The following TMEM178B variants were observed in gnomAD, a reference collection of about 807,000 sequenced individuals.
TMEM178B encodes the protein transmembrane protein 178B.
In TMEM178B, 5 loss-of-function variants were observed where a neutral mutation model predicts 31.0. The ratio of observed to expected loss-of-function variants is 0.16; its 90% CI spans 0.08 to 0.34. The LOEUF (loss-of-function observed/expected upper bound fraction) is 0.34, where lower values mean the gene tolerates loss of function less well. Among genes scored for constraint, TMEM178B ranks in the 10% least tolerant of loss-of-function variants. The pLI is 1.00. For missense variants in TMEM178B, 275 were observed against 400.3 expected (o/e 0.69, Z 2.67); for synonymous variants, 164 against 164.0 (o/e 1.00, Z 0.00).
At chr7:141,243,161 G>C (rs978916724) in intron 2 of TMEM178B, among the ~76,000 whole-genome samples, 8 of 151,988 alleles carry the variant, frequency 5.3e-5, no homozygotes, top group African/African-American at 1.7e-4. Context: ...TGGCTTGATT[G>C]CCTTTTTTTC....
At chr7:141,129,154 G>A (rs1012667088) in intron 1 of TMEM178B, among the ~76,000 whole-genome samples, 1 of 152,276 alleles carries the variant, frequency 6.6e-6, no homozygotes. Flanking sequence ...GTGTTGTGAT[G>A]TTCATTCGTG....
intron 2 of TMEM178B, among the ~76,000 whole-genome samples, chr7:141,383,780 G>C (rs1346419048): frequency 2.6e-5 from 4 of 152,148 alleles, no homozygotes; most frequent in Non-Finnish European, 5.9e-5. Context: ...CTAGATCCTT[G>C]AGGAATCACC....
chr7:141,158,562 C>T (rs941458846), intron 1 of TMEM178B, among the ~76,000 whole-genome samples: 3 of 152,216 alleles, frequency 2.0e-5, no homozygotes, highest in Non-Finnish European at 2.9e-5. Flanking sequence ...CAAAGCCATC[C>T]TTTATCTATA....
At chr7:141,304,844 AT>A (rs1394750294) in intron 2 of TMEM178B, among the ~76,000 whole-genome samples, 36 of 152,130 alleles carry the variant, frequency 2.4e-4, no homozygotes, top group African/African-American at 8.7e-4. Context: ...AAGTCCTGTG[AT>A]TTCTGTGTTT....
At chr7:141,193,150 C>T (rs1796724656) in intron 1 of TMEM178B, among the ~76,000 whole-genome samples, 1 of 152,202 alleles carries the variant, frequency 6.6e-6, no homozygotes, top group African/African-American at 2.4e-5. Context: ...CCTCTGCCTC[C>T]AGCCCTTCTG....
chr7:141,246,153 C>T (rs1797726768), intron 2 of TMEM178B, among the ~76,000 whole-genome samples: 1 of 152,176 alleles, frequency 6.6e-6, no homozygotes, highest in Admixed American at 6.5e-5. Context: ...CAGGTTGCTT[C>T]CAGATCCCAG....
intron 2 of TMEM178B, among the ~76,000 whole-genome samples, chr7:141,406,768 G>A (rs1022050927): frequency 2.6e-5 from 4 of 152,168 alleles, no homozygotes; most frequent in Admixed American, 6.5e-5. Context: ...ACCTTCGAAC[G>A]TCATCTGTTA....
chr7:141,487,741 CAAAAAAAAA>C, the TMEM178B span, among the ~76,000 whole-genome samples: 14 of 30,266 alleles, frequency 4.6e-4, no homozygotes, highest in East Asian at 2.9e-3. Flanking sequence ...GACTCCGTCT[CAAAAAAAAA>C]AAAAAAAAAA....
the TMEM178B span, among the ~76,000 whole-genome samples, chr7:141,507,181 G>A: frequency 1.6e-3 from 243 of 152,284 alleles, 1 homozygote; most frequent in African/African-American, 5.6e-3. Flanking sequence ...GGGGTCTGGA[G>A]AACAGTGGCC....
intron 2 of TMEM178B, among the ~76,000 whole-genome samples, chr7:141,285,177 T>TC (rs1563141115): frequency 2.1e-5 from 3 of 140,166 alleles, no homozygotes; most frequent in Non-Finnish European, 4.6e-5. Flanking sequence ...TTTTTTTTTT[T>TC]TGAGACGTAG....
intron 2 of TMEM178B, among the ~76,000 whole-genome samples, chr7:141,409,930 G>T (rs1042727016): frequency 5.9e-5 from 9 of 152,092 alleles, no homozygotes; most frequent in African/African-American, 2.2e-4. Flanking sequence ...TTGAGTTGCA[G>T]CCTCTCTCCT....
chr7:141,130,269 A>T (rs1298181000), intron 1 of TMEM178B, among the ~76,000 whole-genome samples: 1 of 152,210 alleles, frequency 6.6e-6, no homozygotes, highest in Non-Finnish European at 1.5e-5. Flanking sequence ...ACATTATGCA[A>T]GTCAGATTGG....
At chr7:141,504,284 G>A in the TMEM178B span, among the ~76,000 whole-genome samples, 153 of 152,256 alleles carry the variant, frequency 1.0e-3, no homozygotes, top group East Asian at 4.2e-3. Flanking sequence ...ATTTAATCCC[G>A]TGTGTGTGAT....
chr7:141,226,569 C>T (rs905591199), intron 2 of TMEM178B, among the ~76,000 whole-genome samples: 1 of 152,112 alleles, frequency 6.6e-6, no homozygotes, highest in Admixed American at 6.6e-5. Flanking sequence ...TTAAAAACTA[C>T]TGGCTAGGCG....
the TMEM178B span, among the ~76,000 whole-genome samples, chr7:141,502,768 C>CAA: frequency 1.1e-3 from 65 of 57,588 alleles, no homozygotes; most frequent in African/African-American, 4.0e-3. Context: ...GAAACTCAGT[C>CAA]TAAAAAAAAA....
chr7:141,106,161 T>C (rs934352225), intron 1 of TMEM178B, among the ~76,000 whole-genome samples: 6 of 151,950 alleles, frequency 3.9e-5, no homozygotes, highest in Non-Finnish European at 7.4e-5. Context: ...GGTGAGTTTG[T>C]ATTTATACTT....
chr7:141,301,402 C>T (rs1350073181), intron 2 of TMEM178B, among the ~76,000 whole-genome samples: 5 of 152,066 alleles, frequency 3.3e-5, no homozygotes, highest in Non-Finnish European at 7.4e-5. Flanking sequence ...TTTTTCTTCT[C>T]TTTAAGGAGA....
chr7:141,179,806 C>A (rs772825466), intron 1 of TMEM178B, among the ~76,000 whole-genome samples: 10 of 152,194 alleles, frequency 6.6e-5, no homozygotes, highest in Non-Finnish European at 1.5e-4. Flanking sequence ...CTTGGCCACA[C>A]TGCAAAGAAG....
intron 2 of TMEM178B, among the ~76,000 whole-genome samples, chr7:141,335,979 C>G (rs1225025019): frequency 1.3e-5 from 2 of 152,214 alleles, no homozygotes; most frequent in African/African-American, 2.4e-5. Context: ...TTATGCTTCA[C>G]AGCTTTAGAT....
Sources: gnomAD v4.1 joint callset for allele counts (sites outside exome capture counted in the v4.1 genomes callset) on GRCh38, gnomAD v4.1.1 for gene constraint, MANE v1.5 for transcripts, NCBI Gene and HGNC (gene_info 2026-07-23, HGNC 2026-07-21) for gene names.